Variants in MDGA2 observed in about 807,000 individuals in gnomAD.
MDGA2 encodes MAM domain-containing glycosylphosphatidylinositol anchor protein 2.
In MDGA2, 40 loss-of-function variants were observed where a neutral mutation model predicts 117.8. That is an observed-to-expected ratio of 0.34 (90% CI 0.26 to 0.44). MDGA2 has a LOEUF of 0.44. Ranked by LOEUF, MDGA2 falls within the 20% of genes least tolerant of loss-of-function variation. MDGA2 has a pLI of 1.00. For synonymous variants in MDGA2, 452 were observed against 439.0 expected, an observed-to-expected ratio of 1.03 and a Z score of -0.37; for missense variants, 1,123 against 1,250.6, an observed-to-expected ratio of 0.90 and a Z score of 1.54.
At position 47,071,953 on chromosome 14, in the gene MDGA2, A is replaced by G. The variant is rs1466255169; in HGVS notation, c.1196-10375T>C. Reference sequence around the variant, plus strand: ...CTAACTACTGTAACTTTATACAGGAACCAAAGGAGTCTGTCACCATCGTAT... The same window carrying G: ...CTAACTACTGTAACTTTATACAGGAGCCAAAGGAGTCTGTCACCATCGTAT... On this transcript the variant is annotated intron_variant, in intron 6 of 16. Transcript: ENST00000399232. 2.0e-5 allele frequency among the ~76,000 whole-genome samples: 3 copies of G among 152,084 alleles called. 1 individual carries two copies. The highest frequency in any genetic ancestry group is 4.4e-5 in the Non-Finnish European group (3 of 67,984).
At chr14:47,614,957 C>A (rs900737877) in intron 1 of MDGA2, among the ~76,000 whole-genome samples, 3 of 151,968 alleles carry the variant, frequency 2.0e-5, no homozygotes, top group Non-Finnish European at 4.4e-5. Context: ...ATAAGTTTAA[C>A]TTTATTATTA....
chr14:47,365,464 C>G (rs571169960), intron 1 of MDGA2, among the ~76,000 whole-genome samples: 1 of 152,258 alleles, frequency 6.6e-6, no homozygotes, highest in Non-Finnish European at 1.5e-5. Flanking sequence ...CTGCTGGCAG[C>G]GCAACCCATT....
intron 1 of MDGA2, among the ~76,000 whole-genome samples, chr14:47,474,496 A>G (rs992393301): frequency 2.0e-5 from 3 of 152,160 alleles, no homozygotes; most frequent in Non-Finnish European, 2.9e-5. Context: ...TTTAAAATAT[A>G]TATGGAACCA....
chr14:47,512,949 T>TTTTTTTTTTTTTG (rs1894672188), intron 1 of MDGA2, among the ~76,000 whole-genome samples: 1 of 151,888 alleles, frequency 6.6e-6, no homozygotes, highest in African/African-American at 2.4e-5. Context: ...AGGAAACTTT[T>TTTTTTTTTTTTTG]AATAATATCC....
intron 1 of MDGA2, among the ~76,000 whole-genome samples, chr14:47,600,661 C>G (rs1196493365): frequency 6.6e-6 from 1 of 151,342 alleles, no homozygotes; most frequent in Non-Finnish European, 1.5e-5. Context: ...TTTCACAACT[C>G]CAACCTCAGT....
intron 1 of MDGA2, among the ~76,000 whole-genome samples, chr14:47,307,545 G>A (rs1489057971): frequency 7.9e-5 from 12 of 152,108 alleles, no homozygotes; most frequent in Non-Finnish European, 8.8e-5. Flanking sequence ...GCCAGGTGTG[G>A]TGGTGGGTGC....
rs553774637 is a variant in MDGA2, at chr14:47,342,242, C to G, written c.281-40692G>C. Among the ~76,000 whole-genome samples the G allele has an allele frequency of 2.6e-4, 32 of 121,322 alleles. No homozygotes were observed. In the South Asian group the frequency reaches 8.6e-3, roughly 33 times the overall value. The allele number at this position is 121,322 out of a possible 152,430, so 79.6% of individuals were successfully genotyped here. On this transcript the variant is annotated intron_variant, in intron 1 of 16. Transcript: ENST00000399232. ...GCTAACAGTTACTGAAAATTTATGTCCAGCACAAAATGTTTATATATATAT... is the reference window on the plus strand; with the variant it reads ...GCTAACAGTTACTGAAAATTTATGTGCAGCACAAAATGTTTATATATATAT...
At chr14:47,614,354 T>C (rs1451846766) in intron 1 of MDGA2, among the ~76,000 whole-genome samples, 1 of 152,136 alleles carries the variant, frequency 6.6e-6, no homozygotes, top group African/African-American at 2.4e-5. Flanking sequence ...GCTCCCAAAA[T>C]GCTGGGATTA....
Position 47,252,221 on chromosome 14 carries a change from A to C in MDGA2, c.421-34026T>G, listed in dbSNP as rs761791203. On this transcript the variant is annotated intron_variant, in intron 2 of 16. Transcript: ENST00000399232. Reference sequence around the variant, plus strand: ...CAACATAGAAAATCTAGAATTCATAAATACTAGATTCTCATGAAGTACACA... The same window carrying C: ...CAACATAGAAAATCTAGAATTCATACATACTAGATTCTCATGAAGTACACA... Among the ~76,000 whole-genome samples, 7 of 152,254 alleles carry C rather than the reference A, an allele frequency of 4.6e-5. 1 individual carries two copies. The East Asian group carries it at 1.4e-3, about 29-fold the overall frequency.
At chr14:47,274,227 C>A (rs1015286584) in intron 2 of MDGA2, among the ~76,000 whole-genome samples, 2 of 151,992 alleles carry the variant, frequency 1.3e-5, no homozygotes, top group Admixed American at 6.6e-5. Context: ...TCATCTCTTG[C>A]CATTGACTCT....
intron 2 of MDGA2, among the ~76,000 whole-genome samples, chr14:47,291,909 T>C (rs1888903864): frequency 6.6e-6 from 1 of 152,214 alleles, no homozygotes; most frequent in Non-Finnish European, 1.5e-5. Context: ...AGCCCTGATC[T>C]AGGGCAGATA....
chr14:46,862,188 A>G (rs1239563069), intron 14 of MDGA2, among the ~76,000 whole-genome samples: 1 of 151,816 alleles, frequency 6.6e-6, no homozygotes, highest in Non-Finnish European at 1.5e-5. Flanking sequence ...GCAAAACTCA[A>G]ACTTTTTCTT....
intron 1 of MDGA2, among the ~76,000 whole-genome samples, chr14:47,304,576 A>G (rs1889382356): frequency 6.6e-6 from 1 of 152,178 alleles, no homozygotes; most frequent in African/African-American, 2.4e-5. Flanking sequence ...GTCCCAGTTC[A>G]TCATCCTACC....
chr14:47,100,356 G>A (rs910194880), intron 5 of MDGA2, among the ~76,000 whole-genome samples: 37 of 151,832 alleles, frequency 2.4e-4, no homozygotes, highest in Non-Finnish European at 1.0e-4. Context: ...ACTTATATGG[G>A]TATATAAGAC....
Position 47,561,153 on chromosome 14 carries a change from G to GGTTTTTTTTTTTTTTTTTTT in MDGA2, c.280+113363_280+113364insAAAAAAAAAAAAAAAAAAAC, listed in dbSNP as rs1895797132. ...TACCTCTATCTTTGTTTTTTTTTTT[G>GGTTTTTTTTTTTTTTTTTTT]TTTTGTTTTGTTTTTTTGTTTGTTT... On this transcript the variant is annotated intron_variant, in intron 1 of 16. Transcript: ENST00000399232. Among the ~76,000 whole-genome samples, 15 of 63,894 alleles carry GGTTTTTTTTTTTTTTTTTTT rather than the reference G, an allele frequency of 2.3e-4. 1 individual carries two copies. Among genetic ancestry groups the GGTTTTTTTTTTTTTTTTTTT allele is most frequent in the Admixed American group, 8.4e-4 (4 of 4,748 alleles). 41.9% of individuals were successfully genotyped at this position (63,894 alleles called of 152,430 possible).
chr14:47,577,788 G>C (rs555638254), intron 1 of MDGA2, among the ~76,000 whole-genome samples: 1 of 152,230 alleles, frequency 6.6e-6, no homozygotes, highest in Non-Finnish European at 1.5e-5. Context: ...TGGCAAGGCT[G>C]TTTAGAAATA....
chr14:46,853,494 GA>G lies in MDGA2; in HGVS notation c.2883+1529del, dbSNP rs571588870. Reference sequence around the variant, plus strand: ...ACAGTTTATAAATACGAATGATAAGGAAAATCTTAAAAGCAAACAGAGAAAA... The same window carrying G: ...ACAGTTTATAAATACGAATGATAAGGAAATCTTAAAAGCAAACAGAGAAAA... On this transcript the variant is annotated intron_variant, in intron 15 of 16. Coordinates refer to ENST00000399232, the MANE Select transcript of MDGA2 (RefSeq NM_001113498.3). Among the ~76,000 whole-genome samples, 180 of 151,796 alleles carry G rather than the reference GA, an allele frequency of 1.2e-3. 1 individual carries two copies. The highest frequency in any genetic ancestry group is 2.6e-3 in the Admixed American group (40 of 15,198).
chr14:47,670,200 T>C (rs181186393), intron 1 of MDGA2, among the ~76,000 whole-genome samples: 1 of 152,308 alleles, frequency 6.6e-6, no homozygotes, highest in Admixed American at 6.5e-5. Flanking sequence ...TTATTACTTC[T>C]AATGCATTCT....
chr14:47,132,481 C>T (rs574022623), intron 4 of MDGA2, among the ~76,000 whole-genome samples: 3 of 151,958 alleles, frequency 2.0e-5, no homozygotes, highest in South Asian at 2.1e-4. Flanking sequence ...AGGGGTAACT[C>T]TCCAGGTAAA....
Sources: gnomAD v4.1 joint callset for allele counts (sites outside exome capture counted in the v4.1 genomes callset) on GRCh38, gnomAD v4.1.1 for gene constraint, MANE v1.5 for transcripts, NCBI Gene and HGNC (gene_info 2026-07-23, HGNC 2026-07-21) for gene names.